The following KPNA7 variants were observed in gnomAD, a reference collection of about 807,000 sequenced individuals.
KPNA7 encodes the protein karyopherin subunit alpha 7, also known as importin subunit alpha-8.
KPNA7 carries 54 observed loss-of-function variants against 53.7 expected under a neutral mutation model. The observed-to-expected ratio is 1.01, with a 90% CI of 0.81 to 1.26. The LOEUF is 1.26. Ranked by LOEUF, KPNA7 falls within the 50% of genes most tolerant of loss-of-function variation. The pLI, the probability that KPNA7 is intolerant of heterozygous loss-of-function variation, is 0.00. For missense variants in KPNA7, 640 were observed against 644.5 expected, an observed-to-expected ratio of 0.99 and a Z score of 0.07; for synonymous variants, 276 against 259.3, an observed-to-expected ratio of 1.06 and a Z score of -0.62.
chr7:99,214,158 A>T (rs1360405906), intron 1 of KPNA7, among the ~76,000 whole-genome samples: 3 of 151,980 alleles, frequency 2.0e-5, no homozygotes, highest in Non-Finnish European at 4.4e-5. Flanking sequence ...TGGCCAGTGC[A>T]GTGGCTCACA....
the KPNA7 span, among the ~76,000 whole-genome samples, chr7:99,154,110 A>G: frequency 6.6e-6 from 1 of 151,748 alleles, no homozygotes; most frequent in South Asian, 2.1e-4. Flanking sequence ...TTAATGATTC[A>G]CCAAAATGAG....
chr7:99,164,145 C>T, the KPNA7 span, among the ~76,000 whole-genome samples: 2 of 150,470 alleles, frequency 1.3e-5, no homozygotes, highest in Admixed American at 1.3e-4. Context: ...TGGGTATATA[C>T]CCAAAGGATT....
chr7:99,154,768 G>A, the KPNA7 span, among the ~76,000 whole-genome samples: 9 of 151,802 alleles, frequency 5.9e-5, no homozygotes, highest in Admixed American at 3.3e-4. Context: ...CTCATGAACC[G>A]CCCACCTCAA....
intron 9 of KPNA7, 50 bp from the exon 10 acceptor site, chr7:99,178,116 G>A (rs1477964062): frequency 3.9e-6 from 6 of 1,520,638 alleles, no homozygotes; most frequent in East Asian, 2.5e-5. Context: ...AGCCTTTGGG[G>A]GATAGGGACT....
chr7:99,175,397 C>T (rs980531358), intron 10 of KPNA7, among the ~76,000 whole-genome samples: 2 of 151,278 alleles, frequency 1.3e-5, no homozygotes, highest in Non-Finnish European at 2.9e-5. Context: ...AGGCTGGTCT[C>T]GGAGCTCCTG....
the KPNA7 span, among the ~76,000 whole-genome samples, chr7:99,167,483 A>G: frequency 6.6e-6 from 1 of 151,880 alleles, no homozygotes; most frequent in Admixed American, 6.6e-5. Flanking sequence ...AATTTTTCAG[A>G]TAGGGTCAAA....
At chr7:99,192,386 TA>T (rs1790002841) in intron 6 of KPNA7, among the ~76,000 whole-genome samples, 2 of 152,156 alleles carry the variant, frequency 1.3e-5, no homozygotes, top group Admixed American at 1.3e-4. Context: ...AATCTTTACC[TA>T]AAATGATACT....
chr7:99,158,867 CTTTT>C, the KPNA7 span, among the ~76,000 whole-genome samples: 8 of 149,094 alleles, frequency 5.4e-5, no homozygotes, highest in South Asian at 2.1e-4. Flanking sequence ...TAAACAGCAT[CTTTT>C]TTTTTTCTTT....
chr7:99,149,308 G>A, the KPNA7 span, among the ~76,000 whole-genome samples: 1 of 152,138 alleles, frequency 6.6e-6, no homozygotes. Context: ...AAAGGTAGCA[G>A]GTGTGCTGAA....
At chr7:99,194,893 C>T (rs1232405378) in intron 5 of KPNA7, among the ~76,000 whole-genome samples, 177 bp downstream of exon 5, 3 of 152,190 alleles carry the variant, frequency 2.0e-5, no homozygotes, top group Non-Finnish European at 4.4e-5. Context: ...ACGTGAGCCA[C>T]CGTGCCTGGC....
chr7:99,174,304 C>T (rs1016454421), intron 10 of KPNA7, among the ~76,000 whole-genome samples: 1 of 152,118 alleles, frequency 6.6e-6, no homozygotes, highest in South Asian at 2.1e-4. Context: ...CAGATGGGAT[C>T]GTCTAGTTGC....
chr7:99,202,759 C>T (rs986586723), intron 3 of KPNA7, among the ~76,000 whole-genome samples: 2 of 152,050 alleles, frequency 1.3e-5, no homozygotes, highest in Non-Finnish European at 2.9e-5. Context: ...GCAGGAGGTT[C>T]GCTTGAACCC....
At chr7:99,152,704 GTC>G in the KPNA7 span, among the ~76,000 whole-genome samples, 1 of 152,162 alleles carries the variant, frequency 6.6e-6, no homozygotes, top group African/African-American at 2.4e-5. Flanking sequence ...GAGCAGTTCT[GTC>G]TCTACAAGCC....
intron 3 of KPNA7, among the ~76,000 whole-genome samples, chr7:99,199,065 GAA>G (rs67877761): frequency 1.1e-4 from 7 of 61,140 alleles, no homozygotes; most frequent in Non-Finnish European, 1.8e-4. Context: ...GCTGCAAACT[GAA>G]AAAAAAAAAA....
chr7:99,213,430 T>TTAA (rs869152161), intron 1 of KPNA7, among the ~76,000 whole-genome samples: 1 of 72,882 alleles, frequency 1.4e-5, no homozygotes, highest in East Asian at 5.1e-4. Context: ...CCTGGCCTTT[T>TTAA]AAAAAAAAAA....
chr7:99,193,384 A>G (rs1174224658), intron 5 of KPNA7, among the ~76,000 whole-genome samples: 3 of 152,192 alleles, frequency 2.0e-5, no homozygotes, highest in Admixed American at 2.0e-4. Flanking sequence ...GGTTCTCAGG[A>G]AGACGAAGGC....
intron 7 of KPNA7, 25 bp from the exon 8 acceptor site, chr7:99,185,187 AAGTATTTC>A (rs1789518834): frequency 6.8e-7 from 1 of 1,477,414 alleles, no homozygotes; most frequent in Non-Finnish European, 9.3e-7. Context: ...CTAGAAGTCT[AAGTATTTC>A]AAGTCTATCC....
At chr7:99,168,047 A>C in the KPNA7 span, among the ~76,000 whole-genome samples, 1 of 119,794 alleles carries the variant, frequency 8.3e-6, no homozygotes, top group Non-Finnish European at 1.6e-5. Context: ...CGTGGTGTCC[A>C]AAAGGGAACC....
At chr7:99,208,559 C>G (rs1044651628), upstream of KPNA7, among the ~76,000 whole-genome samples, 1 of 150,908 alleles carries the variant, frequency 6.6e-6, no homozygotes, top group African/African-American at 2.4e-5. Flanking sequence ...CCCGGCCACA[C>G]CTGGCTTATT....
Sources: gnomAD v4.1 joint callset for allele counts (sites outside exome capture counted in the v4.1 genomes callset) on GRCh38, gnomAD v4.1.1 for gene constraint, MANE v1.5 for transcripts, NCBI Gene and HGNC (gene_info 2026-07-23, HGNC 2026-07-21) for gene names.